SORCS2: variants seen among roughly 807,000 people sequenced by gnomAD.
SORCS2 encodes the protein VPS10 domain-containing receptor SorCS2.
SORCS2 carries 100 observed loss-of-function variants against 141.6 expected under a neutral mutation model. That is an observed-to-expected ratio of 0.71 (90% confidence interval 0.60 to 0.83). SORCS2 has a LOEUF of 0.83. SORCS2 is among the 40% of genes least tolerant of loss of function. The probability of loss-of-function intolerance (pLI) is 0.00; values close to 1 mark genes in which losing one functional copy is unlikely to be tolerated. For synonymous variants in SORCS2, 789 were observed against 676.9 expected (o/e 1.17, Z -2.57); for missense variants, 1,646 against 1,560.2 (o/e 1.05, Z -0.93).
chr4:7,238,287 G>A (rs1007033272), intron 1 of SORCS2, among the ~76,000 whole-genome samples: 1 of 145,370 alleles, frequency 6.9e-6, no homozygotes, highest in Non-Finnish European at 1.5e-5. Flanking sequence ...GGTAGAGGGA[G>A]TCTGGGGGGG....
At chr4:7,622,110 A>G (rs1257064348) in intron 3 of SORCS2, among the ~76,000 whole-genome samples, 1 of 152,150 alleles carries the variant, frequency 6.6e-6, no homozygotes, top group Non-Finnish European at 1.5e-5. Flanking sequence ...GTAGCCACAA[A>G]AAAGCCAGGA....
chr4:7,714,254 C>T lies in SORCS2; in HGVS notation c.2004C>T (p.Ile668=). ...TCCTGCTGCAGGGCGACCGCTGTATCATGGGCCAGCAGAGAAGTTTCCGGA... is the reference window on the plus strand; with the variant it reads ...TCCTGCTGCAGGGCGACCGCTGTATTATGGGCCAGCAGAGAAGTTTCCGGA... The part of the protein sequence containing the change: ...ELSNLQGDRC[I]MGQQRSFRKR... Residue 668 remains isoleucine, a synonymous_variant, in exon 16 of 27, where the codon ATC becomes ATT. Coordinates refer to ENST00000507866, the MANE Select transcript of SORCS2 (RefSeq NM_020777.3). 3 of 1,611,086 alleles carry T rather than the reference C, an allele frequency of 1.9e-6. No homozygotes were observed. The highest frequency in any genetic ancestry group is 2.5e-6 in the Non-Finnish European group (3 of 1,178,840).
rs553332327 is a variant in SORCS2, at chr4:7,698,849, G to A, written c.1668+1575G>A. On this transcript the variant is annotated intron_variant, in intron 12 of 26. Transcript: ENST00000507866. ...TGGCAGGGGAGGGAGAGATGCTCCTGTGGGTTTTTTTTTAAGTTTCTTGGG... is the reference window on the plus strand; with the variant it reads ...TGGCAGGGGAGGGAGAGATGCTCCTATGGGTTTTTTTTTAAGTTTCTTGGG... Among the ~76,000 whole-genome samples the A allele has an allele frequency of 6.9e-5, 7 of 101,018 alleles. No individual in the cohort carries two copies. The East Asian group carries it at 3.1e-3, about 44-fold the overall frequency. The allele number at this position is 101,018 out of a possible 152,430, so 66.3% of individuals were successfully genotyped here.
intron 3 of SORCS2, among the ~76,000 whole-genome samples, chr4:7,533,802 G>A (rs1711864005): frequency 1.9e-5 from 2 of 105,706 alleles, no homozygotes; most frequent in Non-Finnish European, 4.5e-5. Flanking sequence ...GACCTCCGCT[G>A]AGCCTCAGTT....
At chr4:7,504,190 A>C (rs1732144459) in intron 2 of SORCS2, among the ~76,000 whole-genome samples, 1 of 152,210 alleles carries the variant, frequency 6.6e-6, no homozygotes, top group South Asian at 2.1e-4. Context: ...ACACACCGGG[A>C]TCCTCACTCC....
chr4:7,610,322 A>T (rs1258138504), intron 3 of SORCS2, among the ~76,000 whole-genome samples: 2 of 152,148 alleles, frequency 1.3e-5, no homozygotes, highest in East Asian at 3.9e-4. Context: ...GAGGACACTC[A>T]TGAGGGACGA....
chr4:7,432,618 C>G (rs1191567020), intron 2 of SORCS2: 4 of 152,152 alleles, frequency 2.6e-5, no homozygotes, highest in African/African-American at 9.7e-5. Context: ...TTTCCTTCTG[C>G]TCATTACCAG....
rs1016310369 is a variant in SORCS2 at position 7,438,030 on chromosome 4, G to A, written c.548+41675G>A. Reference sequence around the variant, plus strand: ...GACCAGGACATTCTCTCATAACCACGGTGCATTTATGAAAATAAAGAACTG... The same window carrying A: ...GACCAGGACATTCTCTCATAACCACAGTGCATTTATGAAAATAAAGAACTG... On this transcript the variant is annotated intron_variant, in intron 2 of 26. Coordinates refer to ENST00000507866, the MANE Select transcript of SORCS2 (RefSeq NM_020777.3). Among the ~76,000 whole-genome samples the A allele has an allele frequency of 5.3e-5, 8 of 152,082 alleles. 1 individual carries two copies. Among genetic ancestry groups the A allele is most frequent in the Admixed American group, 2.6e-4 (4 of 15,268 alleles).
chr4:7,588,917 C>T (rs991495660), intron 3 of SORCS2, among the ~76,000 whole-genome samples: 1 of 152,184 alleles, frequency 6.6e-6, no homozygotes, highest in Non-Finnish European at 1.5e-5. Context: ...AACCGCTTCA[C>T]AGAGGACGTG....
chr4:7,535,788 A>G (rs956535777), intron 3 of SORCS2, among the ~76,000 whole-genome samples: 1 of 151,382 alleles, frequency 6.6e-6, no homozygotes, highest in Non-Finnish European at 1.5e-5. Context: ...CATGGAACAG[A>G]GGCCTCACCT....
chr4:7,215,737 G>T (rs1459199640), intron 1 of SORCS2, among the ~76,000 whole-genome samples: 2 of 152,224 alleles, frequency 1.3e-5, no homozygotes, highest in African/African-American at 4.8e-5. Flanking sequence ...TGCACCAATG[G>T]ACACTCTGTA....
At chr4:7,373,479 T>TATATATATATATATATATA (rs60434529) in intron 1 of SORCS2, among the ~76,000 whole-genome samples, 17 of 15,448 alleles carry the variant, frequency 1.1e-3, no homozygotes, top group Non-Finnish European at 1.5e-3. Flanking sequence ...TATATATATA[T>TATATATATATATATATATA]TTTTTTTTTT....
In SORCS2 at chr4:7,511,439, G is replaced by GACACACACAC. The variant is rs138336126; in HGVS notation, c.549-20081_549-20072dup. On this transcript the variant is annotated intron_variant, in intron 2 of 26. Transcript: ENST00000507866. ...AGGGAGAGAGGGGCGGGGTTGGGGA[G>GACACACACAC]ACACACACACACACACACAGATACA... Among the ~76,000 whole-genome samples, 10 of 128,852 alleles carry GACACACACAC rather than the reference G, an allele frequency of 7.8e-5. No individual in the cohort carries two copies. In the East Asian group the frequency reaches 1.2e-3, roughly 15 times the overall value. 84.5% of individuals were successfully genotyped at this position (128,852 alleles called of 152,430 possible). A position where few individuals can be genotyped will look rare whatever the true frequency, so the allele number is the denominator to read the frequency against.
At chr4:7,367,673 T>G (rs1462304616) in intron 1 of SORCS2, among the ~76,000 whole-genome samples, 7 of 152,364 alleles carry the variant, frequency 4.6e-5, no homozygotes, top group African/African-American at 1.7e-4. Flanking sequence ...GCTTGCATAC[T>G]CAGGAGCCCG....
intron 1 of SORCS2, among the ~76,000 whole-genome samples, chr4:7,239,240 C>T (rs1247385009): frequency 1.3e-5 from 2 of 152,242 alleles, no homozygotes; most frequent in African/African-American, 4.8e-5. Context: ...TCACGGGCTG[C>T]CCGTGGCTAT....
intron 1 of SORCS2, among the ~76,000 whole-genome samples, chr4:7,393,612 A>G (rs7679978): frequency 0.19 from 29,418 of 151,998 alleles, 3,666 homozygotes; most frequent in Middle Eastern, 0.37. Flanking sequence ...CATCTGTAAA[A>G]CAGGGATAAT....
Position 7,192,566 on chromosome 4 carries a change from C to G in SORCS2, c.-81C>G, listed in dbSNP as rs1361059851. 7 of 981,000 alleles carry G rather than the reference C, an allele frequency of 7.1e-6. No homozygotes were observed. The highest frequency in any genetic ancestry group is 1.2e-6 in the Non-Finnish European group (1 of 826,266). The allele number at this position is 981,000 out of a possible 1,614,324, so 60.8% of individuals were successfully genotyped here. A position where few individuals can be genotyped will look rare whatever the true frequency, so the allele number is the denominator to read the frequency against. On this transcript the variant is annotated 5_prime_UTR_variant, in exon 1 of 27. Transcript: ENST00000507866. The surrounding 1 kb of genome is among the most constrained non-coding windows in gnomAD (Gnocchi z 4.0). ...TTCTCTGCGCTCTCGCTCGCGCTCC[C>G]CAGCGCCCTCCTGCTCTCCCGGCCG...
intron 1 of SORCS2, among the ~76,000 whole-genome samples, chr4:7,216,682 C>T (rs1420687541): frequency 1.3e-5 from 2 of 152,172 alleles, no homozygotes; most frequent in Non-Finnish European, 2.9e-5. Context: ...CTGCCTCCCT[C>T]TTTTAAGGAC....
chr4:7,217,636 C>T (rs116387469), intron 1 of SORCS2, among the ~76,000 whole-genome samples: 2,084 of 152,150 alleles, frequency 0.014, 20 homozygotes, highest in Middle Eastern at 0.037. Context: ...GTGGTGCGGC[C>T]GCCACACCCT....
Sources: allele counts gnomAD v4.1 joint callset (sites outside exome capture counted in the v4.1 genomes callset), GRCh38; gene constraint gnomAD v4.1.1; non-coding constraint Gnocchi (gnomAD v3.1); transcripts MANE v1.5; gene names NCBI Gene and HGNC (gene_info 2026-07-23, HGNC 2026-07-21).